Variants in PIK3C2B observed in about 807,000 individuals in gnomAD.
The protein encoded by PIK3C2B is phosphatidylinositol-4-phosphate 3-kinase catalytic subunit type 2 beta.
Under a neutral mutation model 184.3 loss-of-function variants are expected in PIK3C2B, and 83 were observed. The ratio of observed to expected loss-of-function variants is 0.45; its 90% CI spans 0.38 to 0.54. The LOEUF (loss-of-function observed/expected upper bound fraction) is 0.54, where lower values mean the gene tolerates loss of function less well. PIK3C2B is among the 20% of genes least tolerant of loss of function. The pLI is 0.00. For synonymous variants in PIK3C2B, 779 were observed against 837.6 expected, an observed-to-expected ratio of 0.93 and a Z score of 1.21; for missense variants, 1,736 against 2,113.5, an observed-to-expected ratio of 0.82 and a Z score of 3.50.
chr1:204,461,387 C>T (rs1313901750), intron 5 of PIK3C2B, among the ~76,000 whole-genome samples: 1 of 152,170 alleles, frequency 6.6e-6, no homozygotes, highest in African/African-American at 2.4e-5. Flanking sequence ...CAAATCACAC[C>T]TTCAACAGCA....
chr1:204,440,380 C>T (rs1000289165), intron 21 of PIK3C2B, 59 bp from the exon 22 acceptor site: 3 of 1,507,510 alleles, frequency 2.0e-6, no homozygotes, highest in Admixed American at 4.2e-5. Flanking sequence ...GCTCTCAGGT[C>T]TCCCAAGTGC....
chr1:204,435,557 T>G (rs894415669), intron 23 of PIK3C2B: 5 of 152,082 alleles, frequency 3.3e-5, no homozygotes, highest in African/African-American at 1.2e-4. Flanking sequence ...CCATCATCCT[T>G]CAATGACCTT....
chr1:204,429,437 A>G (rs1422183345), intron 29 of PIK3C2B, among the ~76,000 whole-genome samples: 7 of 152,202 alleles, frequency 4.6e-5, no homozygotes, highest in Admixed American at 4.6e-4. Flanking sequence ...TTAAGCTATA[A>G]CCACTATAAA....
chr1:204,438,042 T>C (rs1031045250), intron 23 of PIK3C2B, among the ~76,000 whole-genome samples: 2 of 152,174 alleles, frequency 1.3e-5, no homozygotes, highest in African/African-American at 2.4e-5. Flanking sequence ...ACACAAACAC[T>C]GAAAGCCATT....
Position 204,422,999 on chromosome 1 carries a change from G to A in PIK3C2B, c.*1853C>T, listed in dbSNP as rs1402575398. The A allele has an allele frequency of 6.6e-6, 1 of 152,220 alleles. No homozygotes were observed. The highest frequency in any genetic ancestry group is 1.5e-5 in the Non-Finnish European group (1 of 68,046). 9.4% of individuals were successfully genotyped at this position (152,220 alleles called of 1,614,324 possible). ...AGTTTCTGATCCTTGGAATTAGGGAGGGACAGTTTACAGAATGTCCTCATT... is the reference window on the plus strand; with the variant it reads ...AGTTTCTGATCCTTGGAATTAGGGAAGGACAGTTTACAGAATGTCCTCATT... On this transcript the variant is annotated 3_prime_UTR_variant, in exon 33 of 33. Transcript: ENST00000684373.
chr1:204,451,988 ATGAC>A lies in PIK3C2B; in HGVS notation c.2067-1975_2067-1972del, dbSNP rs1405226598. On this transcript the variant is annotated intron_variant, in intron 12 of 32. Coordinates refer to ENST00000684373, the MANE Select transcript of PIK3C2B (RefSeq NM_001377334.1). ...CTGCAACTACAGTAGGAAGGAGAGA[ATGAC>A]TGGCCCAAAGACTGTCCTCTGAACG... Among the ~76,000 whole-genome samples the A allele has an allele frequency of 4.1e-4, 63 of 152,320 alleles. 1 individual carries two copies.
At chr1:204,459,413 A>G (rs1655139102) in intron 8 of PIK3C2B, among the ~76,000 whole-genome samples, 1 of 152,252 alleles carries the variant, frequency 6.6e-6, no homozygotes, top group Non-Finnish European at 1.5e-5. Flanking sequence ...GAGACTCCGC[A>G]TGAATCCAAG....
rs535710573 is a variant in PIK3C2B, at chr1:204,457,910, G to A, written c.1567-36C>T. On this transcript the variant is annotated intron_variant, in intron 8 of 32. Coordinates refer to ENST00000684373, the MANE Select transcript of PIK3C2B (RefSeq NM_001377334.1). ...TGGCACAGTGAGGCTGGCAGGCTCT[G>A]CTCTCATGCTCTTGGTCTCCAACCC... 6 of 1,599,776 alleles carry A rather than the reference G, an allele frequency of 3.8e-6. No homozygotes were observed. The Admixed American group carries it at 1.0e-4, about 27-fold the overall frequency.
chr1:204,487,911 T>C (rs1657738115), intron 1 of PIK3C2B, among the ~76,000 whole-genome samples: 1 of 152,160 alleles, frequency 6.6e-6, no homozygotes, highest in African/African-American at 2.4e-5. Flanking sequence ...CAATTCAAGG[T>C]TGTATTCCTA....
chr1:204,466,472 G>A (rs1655800112), intron 2 of PIK3C2B, among the ~76,000 whole-genome samples: 1 of 149,592 alleles, frequency 6.7e-6, no homozygotes, highest in African/African-American at 2.5e-5. Flanking sequence ...CCCTGGGTGT[G>A]CATGGGCGGC....
rs755565768 is a variant in PIK3C2B at position 204,431,700 on chromosome 1, G to A, written c.4249C>T (p.Arg1417Trp). The change falls in exon 28 of 33, where the codon CGG becomes TGG. Residue 1417 changes from arginine to tryptophan, a missense_variant. Physicochemically the swap from Arg to Trp is moderately radical, Grantham distance 101. Transcript: ENST00000684373. The part of the protein sequence containing the change: ...EEFQELHNKL[R>W]LLFPSSHLPS... ...AAGTGGGAAGAAGGGAAGAGCAGCCGCAACTTATTGTGTAATTCCTGGAAC... is the reference window on the plus strand; with the variant it reads ...AAGTGGGAAGAAGGGAAGAGCAGCCACAACTTATTGTGTAATTCCTGGAAC... The A allele has an allele frequency of 1.1e-5, 18 of 1,614,052 alleles. No homozygotes were observed. Among genetic ancestry groups the A allele is most frequent in the East Asian group, 2.2e-5 (1 of 44,894 alleles).
At chr1:204,472,500 C>T (rs1334883217) in intron 1 of PIK3C2B, among the ~76,000 whole-genome samples, 2 of 151,744 alleles carry the variant, frequency 1.3e-5, no homozygotes, top group Non-Finnish European at 2.9e-5. Flanking sequence ...GAAGCCCGGC[C>T]GGATACGGTG....
At chr1:204,456,975 C>A in intron 10 of PIK3C2B, 62 bp downstream of exon 10, 1 of 1,414,212 alleles carries the variant, frequency 7.1e-7, no homozygotes, top group Non-Finnish European at 9.7e-7. Flanking sequence ...AAAAAGGAAT[C>A]GGGGCAGAGA....
chr1:204,443,990 C>A, intron 18 of PIK3C2B, 78 bp downstream of exon 18: 2 of 1,008,650 alleles, frequency 2.0e-6, no homozygotes, highest in Non-Finnish European at 3.2e-6. Context: ...CAGTTCCTTG[C>A]CCTTGCGTGC....
At chr1:204,491,838 T>G (rs769405590) in intron 1 of PIK3C2B, among the ~76,000 whole-genome samples, 14 of 152,200 alleles carry the variant, frequency 9.2e-5, no homozygotes, top group Non-Finnish European at 1.8e-4. Flanking sequence ...GTGTTAGTGA[T>G]TACATTACTT....
At position 204,459,865 on chromosome 1, in the gene PIK3C2B, G is replaced by T; in HGVS notation, c.1566+13C>A. Reference sequence around the variant, plus strand: ...TTTCGGGCAGCAGGGCCAGCCCCTGGATTCGTACTCACATCAGCCAGCAGG... The same window carrying T: ...TTTCGGGCAGCAGGGCCAGCCCCTGTATTCGTACTCACATCAGCCAGCAGG... On this transcript the variant is annotated intron_variant, in intron 8 of 32. Coordinates refer to ENST00000684373, the MANE Select transcript of PIK3C2B (RefSeq NM_001377334.1). 1.2e-6 allele frequency: 2 copies of T among 1,611,456 alleles called. No homozygotes were observed. Among genetic ancestry groups the T allele is most frequent in the Non-Finnish European group, 1.7e-6 (2 of 1,178,236 alleles).
intron 1 of PIK3C2B, among the ~76,000 whole-genome samples, chr1:204,476,385 G>C (rs1676955292): frequency 6.6e-6 from 1 of 151,886 alleles, no homozygotes; most frequent in South Asian, 2.1e-4. Flanking sequence ...ATCCCTATGG[G>C]GGGAAAAAAA....
chr1:204,460,303 C>T (rs1655220002), intron 7 of PIK3C2B, 21 bp downstream of exon 7: 2 of 1,592,530 alleles, frequency 1.3e-6, no homozygotes, highest in African/African-American at 2.7e-5. Flanking sequence ...GGAGCACATC[C>T]AAGATGGTGC....
At chr1:204,481,160 A>C (rs994029630) in intron 1 of PIK3C2B, among the ~76,000 whole-genome samples, 1 of 143,590 alleles carries the variant, frequency 7.0e-6, no homozygotes, top group Non-Finnish European at 1.5e-5. Flanking sequence ...CACCCTCCCC[A>C]TACACACCCT....
Sources: gnomAD v4.1 joint callset for allele counts (sites outside exome capture counted in the v4.1 genomes callset) on GRCh38, gnomAD v4.1.1 for gene constraint, MANE v1.5 for transcripts, NCBI Gene and HGNC (gene_info 2026-07-23, HGNC 2026-07-21) for gene names.